RARB: variants seen among roughly 807,000 people sequenced by gnomAD.
RARB encodes HBV-activated protein.
A neutral mutation model predicts 51.9 loss-of-function variants in RARB; 17 were observed. The observed-to-expected ratio is 0.33, with a 90% CI of 0.22 to 0.49. The LOEUF is 0.49. RARB is among the 20% of genes least tolerant of loss of function. The pLI, the probability that RARB is intolerant of heterozygous loss-of-function variation, is 0.99. For synonymous variants in RARB, 215 were observed against 195.4 expected (o/e 1.10, Z -0.84); for missense variants, 369 against 550.8 (o/e 0.67, Z 3.30).
chr3:25,580,773 C>A (rs774561495), intron 5 of RARB, 51 bp downstream of exon 5: 5 of 1,492,782 alleles, frequency 3.3e-6, no homozygotes, highest in Non-Finnish European at 4.5e-6. Flanking sequence ...GAGAGGGCAC[C>A]GTGGAGGGGA....
intron 1 of RARB, among the ~76,000 whole-genome samples, chr3:24,843,562 TC>T (rs1260902316): frequency 6.6e-6 from 1 of 152,100 alleles, no homozygotes; most frequent in Middle Eastern, 3.2e-3. Context: ...TAGATTTGAA[TC>T]CAATATATAT....
intron 5 of RARB, among the ~76,000 whole-genome samples, chr3:25,235,732 A>G (rs2125393003): frequency 6.6e-6 from 1 of 152,342 alleles, no homozygotes; most frequent in East Asian, 1.9e-4. Flanking sequence ...GAGCACACAT[A>G]CACAAACACA....
intron 6 of RARB, 61 bp downstream of exon 6, chr3:25,593,768 T>C (rs1701707237): frequency 6.6e-7 from 1 of 1,514,186 alleles, no homozygotes; most frequent in African/African-American, 1.4e-5. Flanking sequence ...ACTTGTAATT[T>C]GTGAAAAATT....
intron 3 of RARB, among the ~76,000 whole-genome samples, chr3:25,066,745 CA>C (rs916784975): frequency 4.0e-4 from 61 of 150,948 alleles, no homozygotes; most frequent in Non-Finnish European, 6.8e-4. Context: ...CCAAAAATAC[CA>C]AAAAAAAACA....
chr3:24,863,212 G>A (rs577259757), intron 2 of RARB, among the ~76,000 whole-genome samples: 13 of 152,260 alleles, frequency 8.5e-5, no homozygotes, highest in South Asian at 6.2e-4. Context: ...GAAAAGATCC[G>A]TACTAACAGA....
chr3:25,164,655 T>TA (rs1322113201), intron 4 of RARB, among the ~76,000 whole-genome samples: 1 of 152,256 alleles, frequency 6.6e-6, no homozygotes, highest in African/African-American at 2.4e-5. Context: ...ATTAAATACT[T>TA]ATTTAAATCT....
intron 2 of RARB, among the ~76,000 whole-genome samples, chr3:25,476,999 A>G (rs1225930078): frequency 4.6e-5 from 7 of 152,218 alleles, no homozygotes; most frequent in Admixed American, 3.3e-4. Flanking sequence ...GAATGACTCA[A>G]TAATAAATAG....
intron 5 of RARB, among the ~76,000 whole-genome samples, chr3:25,282,117 T>G (rs1334389412): frequency 6.6e-6 from 1 of 152,212 alleles, no homozygotes; most frequent in African/African-American, 2.4e-5. Flanking sequence ...ACATTGTAGT[T>G]GTTTCATGCA....
At chr3:25,516,920 T>C (rs1324259291) in intron 3 of RARB, among the ~76,000 whole-genome samples, 1 of 152,170 alleles carries the variant, frequency 6.6e-6, no homozygotes, top group Non-Finnish European at 1.5e-5. Flanking sequence ...AGCCACTGTG[T>C]CCAGCTTCCT....
chr3:25,030,695 C>T (rs1044246118), intron 2 of RARB, among the ~76,000 whole-genome samples: 4 of 152,072 alleles, frequency 2.6e-5, no homozygotes, highest in Non-Finnish European at 4.4e-5. Context: ...TTGCATCTTC[C>T]TGGAAAAGCT....
intron 2 of RARB, among the ~76,000 whole-genome samples, chr3:24,912,975 C>CTTTTTTTTTTTTTTGTTTTTTTTTTTTT (rs1695023624): frequency 1.3e-5 from 1 of 75,066 alleles, no homozygotes; most frequent in Admixed American, 2.3e-4. Flanking sequence ...GGTACTGATT[C>CTTTTTTTTTTTTTTGTTTTTTTTTTTTT]TTTTTTTTTT....
intron 4 of RARB, among the ~76,000 whole-genome samples, chr3:25,148,309 G>C (rs768143684): frequency 1.3e-5 from 2 of 152,214 alleles, no homozygotes; most frequent in African/African-American, 2.4e-5. Context: ...ATAGATGGCA[G>C]ACATTTTTAA....
chr3:25,203,687 A>C (rs1701455426), intron 5 of RARB, among the ~76,000 whole-genome samples: 1 of 152,150 alleles, frequency 6.6e-6, no homozygotes, highest in Non-Finnish European at 1.5e-5. Flanking sequence ...CCCTTCACTT[A>C]TGAAGCTTAG....
chr3:24,926,554 A>G (rs1411078038), intron 2 of RARB, among the ~76,000 whole-genome samples: 1 of 152,078 alleles, frequency 6.6e-6, no homozygotes, highest in African/African-American at 2.4e-5. Flanking sequence ...GACTTATGCT[A>G]TAGCTGTTAA....
intron 5 of RARB, among the ~76,000 whole-genome samples, chr3:25,261,859 C>T (rs77893097): frequency 2.0e-3 from 309 of 152,216 alleles, no homozygotes; most frequent in African/African-American, 7.1e-3. Context: ...TCCCAAAATT[C>T]GGTGCTTCCT....
At chr3:25,550,495 C>T (rs1699803998) in intron 3 of RARB, among the ~76,000 whole-genome samples, 1 of 152,124 alleles carries the variant, frequency 6.6e-6, no homozygotes, top group Non-Finnish European at 1.5e-5. Context: ...AGCAAGCTCC[C>T]TCAGGACTCA....
intron 5 of RARB, among the ~76,000 whole-genome samples, chr3:25,198,908 T>C (rs1464293822): frequency 6.6e-6 from 1 of 152,004 alleles, no homozygotes; most frequent in Non-Finnish European, 1.5e-5. Flanking sequence ...AAACTAGAAA[T>C]ACCATATGAT....
At chr3:25,320,801 C>G (rs1200010275) in intron 5 of RARB, among the ~76,000 whole-genome samples, 2 of 152,258 alleles carry the variant, frequency 1.3e-5, no homozygotes, top group South Asian at 2.1e-4. Flanking sequence ...TGGGTTCTTT[C>G]CCAGTGAACT....
chr3:25,141,031 A>G (rs1700099461), intron 4 of RARB, among the ~76,000 whole-genome samples: 1 of 152,146 alleles, frequency 6.6e-6, no homozygotes, highest in African/African-American at 2.4e-5. Flanking sequence ...AAACCAAAAC[A>G]TTTGTGTGAC....
Sources: gnomAD v4.1 joint callset for allele counts (sites outside exome capture counted in the v4.1 genomes callset) on GRCh38, gnomAD v4.1.1 for gene constraint, MANE v1.5 for transcripts, NCBI Gene and HGNC (gene_info 2026-07-23, HGNC 2026-07-21) for gene names.